SIDT1: variants seen among roughly 807,000 people sequenced by gnomAD.
SIDT1 encodes SID1 transmembrane family, member 1.
Under a neutral mutation model 107.5 loss-of-function variants are expected in SIDT1, and 101 were observed. The ratio of observed to expected loss-of-function variants is 0.94; its 90% CI spans 0.80 to 1.11. The LOEUF (loss-of-function observed/expected upper bound fraction) is 1.11, where lower values mean the gene tolerates loss of function less well. Among genes scored for constraint, SIDT1 ranks in the 50% least tolerant of loss-of-function variants. SIDT1 has a pLI of 0.00. For synonymous variants in SIDT1, 395 were observed against 398.2 expected (o/e 0.99, Z 0.10); for missense variants, 1,076 against 1,058.2 (o/e 1.02, Z -0.23).
At chr3:113,589,425 A>G (rs1943976437) in intron 9 of SIDT1, among the ~76,000 whole-genome samples, 1 of 152,212 alleles carries the variant, frequency 6.6e-6, no homozygotes, top group African/African-American at 2.4e-5. Flanking sequence ...ATGAGTACAT[A>G]CAATTGCTTT....
chr3:113,582,123 T>C (rs77963631), intron 6 of SIDT1, among the ~76,000 whole-genome samples: 4,079 of 152,306 alleles, frequency 0.027, 99 homozygotes, highest in East Asian at 0.11. Context: ...TCTTCAATTC[T>C]GAACAGAATG....
At chr3:113,577,359 G>T (rs1378437055) in intron 4 of SIDT1, among the ~76,000 whole-genome samples, 2 of 152,128 alleles carry the variant, frequency 1.3e-5, no homozygotes, top group African/African-American at 4.8e-5. Context: ...AGTGGGGATA[G>T]GTAGTAAAAG....
chr3:113,622,336 C>T (rs537847727), intron 21 of SIDT1, among the ~76,000 whole-genome samples: 2 of 151,698 alleles, frequency 1.3e-5, no homozygotes, highest in East Asian at 1.9e-4. Context: ...TGGTGGCATG[C>T]GTCTGTAATC....
intron 19 of SIDT1, 72 bp downstream of exon 19, chr3:113,612,266 T>TATG (rs1280671901): frequency 1.9e-6 from 2 of 1,076,880 alleles, no homozygotes; most frequent in African/African-American, 3.1e-5. Flanking sequence ...TGCCTTTACT[T>TATG]ATGCTGAATG....
chr3:113,624,744 G>A (rs763588339), intron 23 of SIDT1, among the ~76,000 whole-genome samples: 4 of 150,786 alleles, frequency 2.7e-5, no homozygotes, highest in African/African-American at 4.9e-5. Flanking sequence ...CTGTCTTCAC[G>A]GGATCCACTT....
chr3:113,596,865 G>A (rs146985247), intron 10 of SIDT1, among the ~76,000 whole-genome samples: 380 of 152,272 alleles, frequency 2.5e-3, no homozygotes, highest in African/African-American at 8.2e-3. Flanking sequence ...AGGCCTAATC[G>A]GTTGTAGATT....
intron 21 of SIDT1, chr3:113,619,961 T>C: frequency 2.3e-6 from 1 of 443,936 alleles, no homozygotes; most frequent in Non-Finnish European, 4.1e-6. Context: ...TCAAAACTTG[T>C]TAAGTCTATG....
At chr3:113,620,057 T>C in intron 21 of SIDT1, 1 of 173,354 alleles carries the variant, frequency 5.8e-6, no homozygotes, top group Non-Finnish European at 1.2e-5. Flanking sequence ...GATAGATAAA[T>C]AGATAGATAG....
intron 1 of SIDT1, among the ~76,000 whole-genome samples, chr3:113,535,520 T>A (rs1559996817): frequency 6.6e-6 from 1 of 152,240 alleles, no homozygotes; most frequent in Non-Finnish European, 1.5e-5. Context: ...TATTATGCCC[T>A]ATTTTGTCTG....
chr3:113,589,192 G>T (rs1179121871), intron 9 of SIDT1, among the ~76,000 whole-genome samples: 1 of 152,178 alleles, frequency 6.6e-6, no homozygotes, highest in East Asian at 1.9e-4. Flanking sequence ...TCTACCTTTG[G>T]TTGAAAGAGC....
chr3:113,550,666 C>T (rs1188041327), intron 1 of SIDT1, among the ~76,000 whole-genome samples: 1 of 152,056 alleles, frequency 6.6e-6, no homozygotes, highest in African/African-American at 2.4e-5. Flanking sequence ...TCCTTTGAAC[C>T]ATAGGAAAGA....
intron 1 of SIDT1, among the ~76,000 whole-genome samples, chr3:113,537,270 C>T (rs1938284324): frequency 1.3e-5 from 2 of 152,244 alleles, no homozygotes; most frequent in South Asian, 4.1e-4. Flanking sequence ...CTTTTCCATG[C>T]CCAAGGAACA....
intron 10 of SIDT1, among the ~76,000 whole-genome samples, chr3:113,599,055 G>A (rs1357666631): frequency 9.9e-5 from 15 of 152,220 alleles, no homozygotes; most frequent in East Asian, 1.9e-4. Flanking sequence ...GCCTGAACCC[G>A]GTGGTTGAGG....
intron 7 of SIDT1, 93 bp from the exon 8 acceptor site, chr3:113,584,605 G>A (rs943828423): frequency 1.1e-5 from 9 of 797,206 alleles, no homozygotes; most frequent in Non-Finnish European, 1.9e-5. Context: ...ATTAATTCTG[G>A]ACATTTTTTG....
At chr3:113,566,354 GTGTGTGTGTGTT>G in intron 1 of SIDT1, 54 bp from the exon 2 acceptor site, 1 of 1,481,838 alleles carries the variant, frequency 6.7e-7, no homozygotes, top group Non-Finnish European at 9.3e-7. Context: ...GTGTGTGTGT[GTGTGTGTGTGTT>G]TGCATGTGTG....
At chr3:113,623,372 C>T (rs191573276) in intron 21 of SIDT1, 55 bp from the exon 22 acceptor site, 1 of 1,173,742 alleles carries the variant, frequency 8.5e-7, no homozygotes, top group East Asian at 2.3e-5. Flanking sequence ...TTGGAAAAGC[C>T]AATAGTGTTA....
At chr3:113,554,510 G>T (rs547583342) in intron 1 of SIDT1, among the ~76,000 whole-genome samples, 2 of 152,266 alleles carry the variant, frequency 1.3e-5, no homozygotes, top group African/African-American at 4.8e-5. Flanking sequence ...TTTATAAAGA[G>T]CAGTTCCCCT....
chr3:113,564,273 G>A (rs1236316181), intron 1 of SIDT1, among the ~76,000 whole-genome samples: 1 of 152,224 alleles, frequency 6.6e-6, no homozygotes, highest in Non-Finnish European at 1.5e-5. Context: ...AGTGGTGGGG[G>A]TGTATGGGAA....
intron 1 of SIDT1, among the ~76,000 whole-genome samples, chr3:113,549,776 G>T (rs557174146): frequency 6.6e-6 from 1 of 151,896 alleles, no homozygotes; most frequent in South Asian, 2.1e-4. Context: ...TTTTTTCATG[G>T]ATCATGCTTT....
Sources: allele counts gnomAD v4.1 joint callset (sites outside exome capture counted in the v4.1 genomes callset), GRCh38; gene constraint gnomAD v4.1.1; transcripts MANE v1.5; gene names NCBI Gene and HGNC (gene_info 2026-07-23, HGNC 2026-07-21).